Variants in CREB5 observed in about 807,000 individuals in gnomAD.
CREB5 encodes the protein cyclic AMP-responsive element-binding protein 5.
In CREB5, 19 loss-of-function variants were observed where a neutral mutation model predicts 57.1. That is an observed-to-expected ratio of 0.33 (90% CI 0.23 to 0.49). The LOEUF is 0.49. CREB5 is among the 20% of genes least tolerant of loss of function. The pLI is 0.99. For missense variants in CREB5, 579 were observed against 671.6 expected (o/e 0.86, Z 1.52); for synonymous variants, 238 against 238.3 (o/e 1.00, Z 0.01).
rs199561235 is a variant in CREB5, at chr7:28,306,541, G to GT, written c.-25+7104dup. On this transcript the variant is annotated intron_variant, in intron 1 of 9. Coordinates refer to the CREB5 transcript ENST00000396299. ...ACTGGTGCCAGTACATACAGATACA[G>GT]TTTTGTTTTTTTTGTTTTTTTTTTT... is the stretch of plus-strand genomic sequence containing the variant. Among the ~76,000 whole-genome samples the GT allele has an allele frequency of 5.5e-3, 244 of 44,396 alleles. 8 individuals are homozygous for GT. Among genetic ancestry groups the GT allele is most frequent in the Middle Eastern group, 9.1e-3 (1 of 110 alleles). 29.1% of individuals were successfully genotyped at this position (44,396 alleles called of 152,430 possible). A position where few individuals can be genotyped will look rare whatever the true frequency, so the allele number is the denominator to read the frequency against.
intron 5 of CREB5, among the ~76,000 whole-genome samples, chr7:28,668,897 G>A (rs902456249): frequency 2.6e-5 from 4 of 152,142 alleles, no homozygotes; most frequent in Non-Finnish European, 4.4e-5. Flanking sequence ...TTCAGAGGCT[G>A]GGGCCCTCTT....
intron 1 of CREB5, among the ~76,000 whole-genome samples, chr7:28,478,693 G>A (rs1402907630): frequency 3.3e-5 from 5 of 152,302 alleles, no homozygotes; most frequent in Middle Eastern, 3.4e-3. Context: ...AGATATATTT[G>A]TATGTTGGGG....
intron 1 of CREB5, among the ~76,000 whole-genome samples, chr7:28,456,476 G>A (rs1790098046): frequency 6.6e-6 from 1 of 152,108 alleles, no homozygotes; most frequent in African/African-American, 2.4e-5. Flanking sequence ...TACGGACTAG[G>A]CATTGAAAGC....
chr7:28,733,600 C>T (rs1045746757), intron 7 of CREB5, among the ~76,000 whole-genome samples: 8 of 152,182 alleles, frequency 5.3e-5, no homozygotes, highest in African/African-American at 1.7e-4. Flanking sequence ...GGGCAGGAGC[C>T]ATGCCTTCTT....
intron 7 of CREB5, among the ~76,000 whole-genome samples, chr7:28,773,042 C>A (rs904683945): frequency 6.6e-6 from 1 of 152,066 alleles, no homozygotes; most frequent in Non-Finnish European, 1.5e-5. Context: ...TTTTCGAGAG[C>A]TTTAGACATT....
intron 1 of CREB5, among the ~76,000 whole-genome samples, chr7:28,433,474 G>C (rs2128556782): frequency 6.6e-6 from 1 of 152,180 alleles, no homozygotes; most frequent in African/African-American, 2.4e-5. Context: ...TTCTCTCAGA[G>C]TATTAATATT....
chr7:28,352,000 T>C (rs1786197213), intron 1 of CREB5, among the ~76,000 whole-genome samples: 1 of 152,246 alleles, frequency 6.6e-6, no homozygotes, highest in Non-Finnish European at 1.5e-5. Context: ...TGTCTGATTT[T>C]AGTTGTTTTA....
At chr7:28,340,577 T>G (rs1785918099) in intron 1 of CREB5, among the ~76,000 whole-genome samples, 1 of 152,178 alleles carries the variant, frequency 6.6e-6, no homozygotes, top group Non-Finnish European at 1.5e-5. Context: ...TTTGGAGCTG[T>G]GAGCTGCACT....
intron 5 of CREB5, among the ~76,000 whole-genome samples, chr7:28,704,219 C>T (rs745641290): frequency 7.9e-5 from 12 of 152,160 alleles, no homozygotes; most frequent in Non-Finnish European, 1.3e-4. Context: ...TTATTTCCTG[C>T]TCATCCAAAG....
At chr7:28,367,896 A>G (rs1054368438) in intron 1 of CREB5, among the ~76,000 whole-genome samples, 1 of 152,066 alleles carries the variant, frequency 6.6e-6, no homozygotes, top group Admixed American at 6.6e-5. Flanking sequence ...TCTCTTCGTC[A>G]CCTTCCCTGC....
intron 1 of CREB5, among the ~76,000 whole-genome samples, chr7:28,323,679 T>A (rs753653343): frequency 6.6e-6 from 1 of 152,228 alleles, no homozygotes; most frequent in Admixed American, 6.5e-5. Context: ...ACCAGTTTTA[T>A]GGAAGACAAT....
At chr7:28,374,283 G>C (rs904168969) in intron 1 of CREB5, among the ~76,000 whole-genome samples, 1 of 152,144 alleles carries the variant, frequency 6.6e-6, no homozygotes, top group Non-Finnish European at 1.5e-5. Flanking sequence ...ATGTAAAATG[G>C]TGCAATGGAG....
rs528533885 is a variant in CREB5, at chr7:28,631,844, G to A, written c.464+61307G>A. Among the ~76,000 whole-genome samples, 6 of 152,202 alleles carry A rather than the reference G, an allele frequency of 3.9e-5. No homozygotes were observed. In the East Asian group the frequency reaches 1.2e-3, roughly 29 times the overall value. Reference sequence around the variant, plus strand: ...ATTGAGTGGAGGGAAGCACCATAAGGCGGCGCCAGGGATGGTGTCTCGGAA... The same window carrying A: ...ATTGAGTGGAGGGAAGCACCATAAGACGGCGCCAGGGATGGTGTCTCGGAA... On this transcript the variant is annotated intron_variant, in intron 5 of 10. Coordinates refer to ENST00000357727, the MANE Select transcript of CREB5 (RefSeq NM_182898.4).
At chr7:28,693,710 C>A (rs55633327) in intron 5 of CREB5, among the ~76,000 whole-genome samples, 23,389 of 152,156 alleles carry the variant, frequency 0.15, 2,063 homozygotes, top group Middle Eastern at 0.19. Context: ...TCTATTGAAG[C>A]TTTCTGAGCC....
intron 4 of CREB5, among the ~76,000 whole-genome samples, chr7:28,568,830 A>G (rs1191584673): frequency 1.3e-5 from 2 of 152,208 alleles, no homozygotes; most frequent in African/African-American, 2.4e-5. Flanking sequence ...CAAATACCGT[A>G]TATGTTATCA....
chr7:28,403,454 G>A (rs778755069), intron 1 of CREB5, among the ~76,000 whole-genome samples: 8 of 152,100 alleles, frequency 5.3e-5, no homozygotes, highest in Non-Finnish European at 1.2e-4. Context: ...AACTACTAGT[G>A]TCAGACATTG....
chr7:28,540,318 A>T (rs185436559), intron 4 of CREB5, among the ~76,000 whole-genome samples: 1 of 152,362 alleles, frequency 6.6e-6, no homozygotes, highest in East Asian at 1.9e-4. Context: ...AATAATATTA[A>T]GTCCCATTAA....
chr7:28,444,214 A>G (rs1030785785), intron 1 of CREB5, among the ~76,000 whole-genome samples: 1 of 152,160 alleles, frequency 6.6e-6, no homozygotes, highest in Non-Finnish European at 1.5e-5. Context: ...TCCCCTTGCC[A>G]TGTGCCTGAA....
chr7:28,706,024 T>C (rs1482411741), intron 5 of CREB5, among the ~76,000 whole-genome samples: 1 of 152,156 alleles, frequency 6.6e-6, no homozygotes, highest in Non-Finnish European at 1.5e-5. Context: ...TTCCAGAGTT[T>C]CTCCTGCTAA....
Sources: gnomAD v4.1 joint callset for allele counts (sites outside exome capture counted in the v4.1 genomes callset) on GRCh38, gnomAD v4.1.1 for gene constraint, MANE v1.5 for transcripts, NCBI Gene and HGNC (gene_info 2026-07-23, HGNC 2026-07-21) for gene names.